Variants in EXOC4 observed in about 807,000 individuals in gnomAD.
EXOC4 encodes SEC8-like 1.
A neutral mutation model predicts 107.2 loss-of-function variants in EXOC4; 71 were observed. That is an observed-to-expected ratio of 0.66 (90% CI 0.55 to 0.81). The LOEUF is 0.81. EXOC4 is among the 30% of genes least tolerant of loss of function. The pLI, the probability that EXOC4 is intolerant of heterozygous loss-of-function variation, is 0.00. For missense variants in EXOC4, 1,108 were observed against 1,189.6 expected, an observed-to-expected ratio of 0.93 and a Z score of 1.01; for synonymous variants, 456 against 441.2, an observed-to-expected ratio of 1.03 and a Z score of -0.42.
chr7:133,364,117 C>T lies in EXOC4; in HGVS notation c.1007+7544C>T, dbSNP rs553516480. ...AGCCTGATTTAGGGCTGGGCACATA[C>T]GAAATGCCTACAAGTTTATTTTTAT... On this transcript the variant is annotated intron_variant, in intron 6 of 17. Coordinates refer to ENST00000253861, the MANE Select transcript of EXOC4 (RefSeq NM_021807.4). Among the ~76,000 whole-genome samples, 9 of 152,006 alleles carry T rather than the reference C, an allele frequency of 5.9e-5. No individual in the cohort carries two copies. In the South Asian group the frequency reaches 1.5e-3, roughly 25 times the overall value.
intron 10 of EXOC4, among the ~76,000 whole-genome samples, chr7:133,649,524 G>A (rs1386729277): frequency 8.9e-6 from 1 of 111,998 alleles, no homozygotes; most frequent in Non-Finnish European, 1.8e-5. Flanking sequence ...TTTCTTTCAT[G>A]CTCATTTGTG....
chr7:133,768,005 TTATCCATGAACTC>T (rs371219876), intron 10 of EXOC4: 16 of 152,124 alleles, frequency 1.1e-4, no homozygotes, highest in African/African-American at 3.9e-4. Flanking sequence ...AAAGTTGTGC[TTATCCATGAACTC>T]ATCTGAGAAG....
chr7:133,416,650 C>T (rs779896632), intron 7 of EXOC4, among the ~76,000 whole-genome samples: 1 of 152,134 alleles, frequency 6.6e-6, no homozygotes, highest in Admixed American at 6.6e-5. Flanking sequence ...CACTCATGAT[C>T]GGTCAATCTT....
chr7:133,283,735 T>C (rs557683159), intron 2 of EXOC4, among the ~76,000 whole-genome samples: 3 of 152,194 alleles, frequency 2.0e-5, no homozygotes, highest in Non-Finnish European at 4.4e-5. Flanking sequence ...CCCAGAGCTC[T>C]CTCCTGCCTT....
chr7:133,362,031 T>G (rs1796147780), intron 6 of EXOC4, among the ~76,000 whole-genome samples: 1 of 152,166 alleles, frequency 6.6e-6, no homozygotes, highest in African/African-American at 2.4e-5. Context: ...TATAGGAAAT[T>G]TGTTCTTTGG....
At chr7:133,354,796 A>G (rs76125538) in intron 5 of EXOC4, among the ~76,000 whole-genome samples, 213 of 152,302 alleles carry the variant, frequency 1.4e-3, no homozygotes, top group African/African-American at 4.8e-3. Context: ...CTAGGTAGCT[A>G]CTTTGGTAAG....
intron 10 of EXOC4, among the ~76,000 whole-genome samples, chr7:133,644,211 A>T (rs1802933378): frequency 6.6e-6 from 1 of 152,210 alleles, no homozygotes; most frequent in African/African-American, 2.4e-5. Flanking sequence ...TTTCACTTTT[A>T]GGAATGCTGT....
chr7:133,253,358 C>G (rs536415502), intron 1 of EXOC4, 171 bp downstream of exon 1: 2 of 1,404,252 alleles, frequency 1.4e-6, no homozygotes, highest in South Asian at 1.7e-5. Context: ...ATTCCCCCTC[C>G]ACCTTTTTTT....
At chr7:134,016,234 G>T (rs1167140076) in intron 17 of EXOC4, among the ~76,000 whole-genome samples, 9 of 152,256 alleles carry the variant, frequency 5.9e-5, no homozygotes, top group African/African-American at 2.2e-4. Flanking sequence ...AAGCTTGAGG[G>T]AAAGGCCGGG....
At chr7:133,903,291 A>G (rs1367815480) in intron 12 of EXOC4, among the ~76,000 whole-genome samples, 1 of 152,182 alleles carries the variant, frequency 6.6e-6, no homozygotes, top group Non-Finnish European at 1.5e-5. Context: ...TCTTACATAT[A>G]TTTTAAATTT....
At chr7:133,673,609 A>C (rs767661024) in intron 10 of EXOC4, among the ~76,000 whole-genome samples, 1 of 152,140 alleles carries the variant, frequency 6.6e-6, no homozygotes, top group Non-Finnish European at 1.5e-5. Flanking sequence ...TATTCTTTGC[A>C]CCTGGCTCTG....
intron 10 of EXOC4, among the ~76,000 whole-genome samples, chr7:133,705,092 G>A (rs1209198937): frequency 1.3e-5 from 2 of 152,220 alleles, no homozygotes; most frequent in South Asian, 2.1e-4. Flanking sequence ...AGGCAGGCAC[G>A]GTGGCTCATG....
At chr7:133,631,455 A>C (rs915537939) in intron 10 of EXOC4, among the ~76,000 whole-genome samples, 1 of 152,096 alleles carries the variant, frequency 6.6e-6, no homozygotes, top group African/African-American at 2.4e-5. Flanking sequence ...AGTGTTCTAA[A>C]TCGTAGTGGA....
At chr7:133,838,102 A>G (rs904367445) in intron 11 of EXOC4, among the ~76,000 whole-genome samples, 2 of 152,198 alleles carry the variant, frequency 1.3e-5, no homozygotes, top group African/African-American at 4.8e-5. Flanking sequence ...TGGAAAAACA[A>G]TTTTCCTGTT....
chr7:133,435,355 G>A (rs925190524), intron 7 of EXOC4, among the ~76,000 whole-genome samples: 1 of 151,884 alleles, frequency 6.6e-6, no homozygotes, highest in African/African-American at 2.4e-5. Flanking sequence ...GCTTTTTGGG[G>A]GTAGGTTATC....
In EXOC4 at chr7:133,714,856, A is replaced by G. The variant is rs1458557442; in HGVS notation, c.1514+84715A>G. ...TGCACTAGACTACAAAAGAGCAAAC[A>G]GATTTGGACTTTAGCCTCTACTCTG... On this transcript the variant is annotated intron_variant, in intron 10 of 17. Transcript: ENST00000253861. Among the ~76,000 whole-genome samples, 3 of 152,168 alleles carry G rather than the reference A, an allele frequency of 2.0e-5. No homozygotes were observed. The East Asian group carries it at 5.8e-4, about 29-fold the overall frequency.
chr7:133,893,391 C>G lies in EXOC4; in HGVS notation c.1735-2208C>G, dbSNP rs1240710387. On this transcript the variant is annotated intron_variant, in intron 11 of 17. Transcript: ENST00000253861. ...TTGACTCTTTATCGAACTTGCCAGTCTGTGTCTTTTAATTGGAGAATTTAG... is the reference window on the plus strand; with the variant it reads ...TTGACTCTTTATCGAACTTGCCAGTGTGTGTCTTTTAATTGGAGAATTTAG... Among the ~76,000 whole-genome samples, 7 of 81,564 alleles carry G rather than the reference C, an allele frequency of 8.6e-5. 3 individuals carry two copies. Among genetic ancestry groups the G allele is most frequent in the Admixed American group, 3.8e-4 (4 of 10,638 alleles). The allele number at this position is 81,564 out of a possible 152,430, so 53.5% of individuals were successfully genotyped here. A position where few individuals can be genotyped will look rare whatever the true frequency, so the allele number is the denominator to read the frequency against.
chr7:133,707,282 G>A (rs1321927917), intron 10 of EXOC4, among the ~76,000 whole-genome samples: 4 of 152,134 alleles, frequency 2.6e-5, no homozygotes, highest in Non-Finnish European at 5.9e-5. Flanking sequence ...TACTCTGGAG[G>A]CTGAGGCACA....
intron 5 of EXOC4, among the ~76,000 whole-genome samples, chr7:133,328,980 G>A (rs1795315470): frequency 6.6e-6 from 1 of 152,050 alleles, no homozygotes; most frequent in South Asian, 2.1e-4. Flanking sequence ...GCTAGGTTGG[G>A]GAAGTTCTCC....
Sources: allele counts gnomAD v4.1 joint callset (sites outside exome capture counted in the v4.1 genomes callset), GRCh38; gene constraint gnomAD v4.1.1; transcripts MANE v1.5; gene names NCBI Gene and HGNC (gene_info 2026-07-23, HGNC 2026-07-21).